The following DMD variants were observed in gnomAD, a reference collection of about 807,000 sequenced individuals.
DMD encodes the protein dystrophin, also known as mutant dystrophin.
In DMD, 63 loss-of-function variants were observed where a neutral mutation model predicts 330.1. The observed-to-expected ratio is 0.19, with a 90% confidence interval of 0.16 to 0.24. The LOEUF is 0.24. DMD is among the 10% of genes least tolerant of loss of function. DMD has a pLI of 1.00. For synonymous variants in DMD, 1,223 were observed against 959.8 expected (o/e 1.27, Z -5.07); for missense variants, 3,344 against 2,684.1 (o/e 1.25, Z -5.43).
chrX:31,377,339 G>A (rs1242478367), intron 60 of DMD, among the ~76,000 whole-genome samples: 1 of 111,946 alleles, frequency 8.9e-6, no homozygotes, highest in Non-Finnish European at 1.9e-5. Context: ...AATTATTAGG[G>A]TGTTTGTGAA....
At chrX:32,570,068 G>A (rs73207781) in intron 15 of DMD, among the ~76,000 whole-genome samples, 16 of 111,521 alleles carry the variant, frequency 1.4e-4, no homozygotes, top group Non-Finnish European at 2.4e-4. Context: ...AAGATCTAGA[G>A]CAAATTAAAT....
chrX:32,641,266 C>T (rs2059429682), intron 11 of DMD, among the ~76,000 whole-genome samples: 1 of 109,736 alleles, frequency 9.1e-6, no homozygotes, highest in Non-Finnish European at 1.9e-5. Context: ...TTCTTGGCTG[C>T]CAGCCTCTAC....
intron 2 of DMD, among the ~76,000 whole-genome samples, chrX:32,879,021 A>AAAAAAAAAAAAAAAAAAAAAAAC (rs1352069437): frequency 5.8e-4 from 59 of 101,706 alleles, no homozygotes; most frequent in East Asian, 1.3e-3. Flanking sequence ...AAAAAAACAA[A>AAAAAAAAAAAAAAAAAAAAAAAC]AAACAAAAAA....
chrX:32,330,766 T>C (rs1160448678), intron 41 of DMD, among the ~76,000 whole-genome samples: 1 of 111,489 alleles, frequency 9.0e-6, no homozygotes, highest in East Asian at 2.8e-4. Context: ...TAGATAAATG[T>C]TTATTCAATG....
chrX:31,551,607 A>C (rs2147756343), intron 55 of DMD, among the ~76,000 whole-genome samples: 1 of 112,644 alleles, frequency 8.9e-6, no homozygotes, highest in Non-Finnish European at 1.9e-5. Flanking sequence ...CATATAAACT[A>C]GACTCATCCC....
intron 1 of DMD, among the ~76,000 whole-genome samples, chrX:33,248,386 C>T (rs1347802766): frequency 1.8e-5 from 2 of 112,175 alleles, no homozygotes; most frequent in Non-Finnish European, 3.8e-5. Flanking sequence ...TTTAATTTTT[C>T]ACCTAAAAAT....
intron 16 of DMD, among the ~76,000 whole-genome samples, chrX:32,551,299 G>A (rs1198687151): frequency 9.0e-6 from 1 of 111,401 alleles, no homozygotes; most frequent in Non-Finnish European, 1.9e-5. Flanking sequence ...TGATCAAGGA[G>A]CTTCTATCCC....
At chrX:32,964,079 A>T (rs948198075) in intron 2 of DMD, among the ~76,000 whole-genome samples, 8 of 108,604 alleles carry the variant, frequency 7.4e-5, no homozygotes, top group Non-Finnish European at 5.7e-5. Context: ...ATCATGGTGA[A>T]ACCCCGTCTC....
chrX:31,831,105 A>C (rs1361993888), intron 49 of DMD, among the ~76,000 whole-genome samples: 1 of 111,767 alleles, frequency 8.9e-6, no homozygotes, highest in Non-Finnish European at 1.9e-5. Flanking sequence ...AGATGCCCAC[A>C]CTCTGAAGTG....
intron 1 of DMD, among the ~76,000 whole-genome samples, chrX:33,338,841 A>G (rs1569140363): frequency 8.9e-6 from 1 of 111,739 alleles, no homozygotes; most frequent in Non-Finnish European, 1.9e-5. Context: ...CTATCCAAAC[A>G]TTCTGTACAT....
intron 44 of DMD, among the ~76,000 whole-genome samples, chrX:32,059,476 A>AT (rs752973300): frequency 8.9e-6 from 1 of 111,815 alleles, no homozygotes; most frequent in Non-Finnish European, 1.9e-5. Context: ...AAGATGTAGC[A>AT]TAAGTGACCT....
At chrX:32,694,708 G>A (rs925221308) in intron 9 of DMD, among the ~76,000 whole-genome samples, 1 of 111,849 alleles carries the variant, frequency 8.9e-6, no homozygotes, top group Admixed American at 9.5e-5. Context: ...CCATGCTGTA[G>A]TGCAATGGCA....
intron 31 of DMD, 80 bp from the exon 32 acceptor site, chrX:32,389,754 G>T: frequency 1.0e-6 from 1 of 955,786 alleles, no homozygotes; most frequent in Non-Finnish European, 1.5e-6. Flanking sequence ...TGATAGATCT[G>T]CCTTTATTTC....
chrX:32,429,009 G>T (rs1050135934), intron 29 of DMD, among the ~76,000 whole-genome samples: 1 of 111,009 alleles, frequency 9.0e-6, no homozygotes, highest in Admixed American at 9.6e-5. Context: ...TAAATTAGGT[G>T]TCTAAGCTTT....
chrX:32,586,907 C>T (rs999658441), intron 13 of DMD, among the ~76,000 whole-genome samples: 1 of 111,282 alleles, frequency 9.0e-6, no homozygotes, highest in Non-Finnish European at 1.9e-5. Flanking sequence ...ATTATTGCTT[C>T]TTGGGCAACA....
chrX:31,173,601 A>G lies in DMD; in HGVS notation c.10266T>C (p.Pro3422=). Residue 3422 remains proline (P), a synonymous_variant, in exon 72 of 79, where the codon CCT becomes CCC. Transcript: ENST00000357033. The part of the protein sequence containing the change: ...LINFWPVDSA[P]ASSPQLSHDD... ...CGTGTGAAAGCTGAGGGGACGAGGCAGGCCTATAAGGCAGAAAATGTGATT... is the reference window on the plus strand; with the variant it reads ...CGTGTGAAAGCTGAGGGGACGAGGCGGGCCTATAAGGCAGAAAATGTGATT... 1.7e-6 allele frequency: 2 copies of G among 1,208,423 alleles called. No individual in the cohort carries two copies. Among genetic ancestry groups the G allele is most frequent in the Middle Eastern group, 2.3e-4 (1 of 4,341 alleles).
chrX:32,297,427 C>A (rs1336248562), intron 42 of DMD, among the ~76,000 whole-genome samples: 1 of 109,731 alleles, frequency 9.1e-6, no homozygotes, highest in Non-Finnish European at 1.9e-5. Flanking sequence ...GCGCCCGCCA[C>A]CATGCCCGGC....
At chrX:31,284,990 A>G (rs1406644174) in intron 62 of DMD, among the ~76,000 whole-genome samples, 1 of 109,478 alleles carries the variant, frequency 9.1e-6, no homozygotes, top group Non-Finnish European at 1.9e-5. Flanking sequence ...GTAGACCGAG[A>G]TTTTCGATAT....
At chrX:31,765,116 A>T (rs2089903739) in intron 51 of DMD, among the ~76,000 whole-genome samples, 1 of 110,898 alleles carries the variant, frequency 9.0e-6, no homozygotes. Flanking sequence ...TCATTTATGA[A>T]ATTTAAAAAC....
Sources: allele counts gnomAD v4.1 joint callset (sites outside exome capture counted in the v4.1 genomes callset), GRCh38; gene constraint gnomAD v4.1.1; transcripts MANE v1.5; gene names NCBI Gene and HGNC (gene_info 2026-07-23, HGNC 2026-07-21).